MSRA: variants seen among roughly 807,000 people sequenced by gnomAD.
MSRA encodes mitochondrial peptide methionine sulfoxide reductase.
MSRA carries 54 observed loss-of-function variants against 31.3 expected under a neutral mutation model. The ratio of observed to expected loss-of-function variants is 1.73; its 90% CI spans 1.39 to 2.17. The LOEUF (loss-of-function observed/expected upper bound fraction) is 2.17, where lower values mean the gene tolerates loss of function less well. Among genes scored for constraint, MSRA ranks in the 30% most tolerant of loss-of-function variants. The probability of loss-of-function intolerance (pLI) is 0.00; values close to 1 mark genes in which losing one functional copy is unlikely to be tolerated. For missense variants in MSRA, 507 were observed against 300.9 expected, an observed-to-expected ratio of 1.69 and a Z score of -5.07; for synonymous variants, 169 against 116.5, an observed-to-expected ratio of 1.45 and a Z score of -2.90.
intron 1 of MSRA, among the ~76,000 whole-genome samples, chr8:10,154,535 G>A (rs989396048): frequency 6.6e-5 from 10 of 151,868 alleles, no homozygotes; most frequent in Non-Finnish European, 1.2e-4. Flanking sequence ...CCGCCACCAC[G>A]CCCAACTAAT....
At chr8:10,091,613 T>G (rs1279785546) in intron 1 of MSRA, among the ~76,000 whole-genome samples, 2 of 151,994 alleles carry the variant, frequency 1.3e-5, no homozygotes, top group African/African-American at 2.4e-5. Context: ...GGTAGTTTTT[T>G]TTTTTTTTTT....
intron 2 of MSRA, among the ~76,000 whole-genome samples, chr8:10,223,192 A>G (rs572824484): frequency 2.0e-5 from 3 of 152,176 alleles, no homozygotes; most frequent in African/African-American, 7.2e-5. Flanking sequence ...GGTCAATATT[A>G]CCTGCATTTT....
chr8:10,413,626 C>T (rs1585723931), intron 5 of MSRA, among the ~76,000 whole-genome samples: 2 of 122,050 alleles, frequency 1.6e-5, no homozygotes, highest in Admixed American at 1.7e-4. Flanking sequence ...AGTAATGCCT[C>T]AACAAATAAA....
intron 5 of MSRA, among the ~76,000 whole-genome samples, chr8:10,359,662 C>T (rs76708649): frequency 0.01 from 1,531 of 152,244 alleles, 24 homozygotes; most frequent in African/African-American, 0.035. Flanking sequence ...CTTTTCACTC[C>T]TTCCACTGCT....
intron 1 of MSRA, among the ~76,000 whole-genome samples, chr8:10,086,916 G>GGAGAAT (rs141044654): frequency 4.9e-4 from 74 of 151,530 alleles, no homozygotes; most frequent in Non-Finnish European, 8.0e-4. Context: ...GGGAGAGAGA[G>GGAGAAT]GAGAATGAGA....
chr8:10,162,307 G>A (rs1231462777), intron 1 of MSRA, among the ~76,000 whole-genome samples: 1 of 152,172 alleles, frequency 6.6e-6, no homozygotes, highest in Non-Finnish European at 1.5e-5. Context: ...CCTTATAAAA[G>A]GGACTCCAGA....
rs571929624 is a variant in MSRA at position 10,416,503 on chromosome 8, G to A, written c.544-11645G>A. Among the ~76,000 whole-genome samples, 63 of 152,348 alleles carry A rather than the reference G, an allele frequency of 4.1e-4. 1 individual carries two copies. Among genetic ancestry groups the A allele is most frequent in the African/African-American group, 1.5e-3 (62 of 41,580 alleles). On this transcript the variant is annotated intron_variant, in intron 5 of 5. Coordinates refer to ENST00000317173, the MANE Select transcript of MSRA (RefSeq NM_012331.5). ...GGTGTTGGAGCCATCACTGGCTGGA[G>A]CATGGCTGGTTACTGTGGCAAAGGG... is the stretch of plus-strand genomic sequence containing the variant.
intron 1 of MSRA, among the ~76,000 whole-genome samples, chr8:10,062,279 C>A (rs987828513): frequency 6.6e-6 from 1 of 152,194 alleles, no homozygotes; most frequent in Non-Finnish European, 1.5e-5. Flanking sequence ...CAGCTGACAT[C>A]GGCAACCCTC....
At chr8:10,278,269 T>C (rs1326927772) in intron 3 of MSRA, among the ~76,000 whole-genome samples, 1 of 152,164 alleles carries the variant, frequency 6.6e-6, no homozygotes, top group East Asian at 1.9e-4. Context: ...ATCTGCTGCA[T>C]AAATTCCTTT....
intron 3 of MSRA, among the ~76,000 whole-genome samples, chr8:10,299,288 G>T (rs557864094): frequency 6.6e-6 from 1 of 151,914 alleles, no homozygotes; most frequent in Non-Finnish European, 1.5e-5. Context: ...AAATATGTCT[G>T]TCATGTTGAT....
chr8:10,290,417 C>A (rs562011621), intron 3 of MSRA, among the ~76,000 whole-genome samples: 1 of 152,012 alleles, frequency 6.6e-6, no homozygotes, highest in Non-Finnish European at 1.5e-5. Context: ...CTTTCAGGTC[C>A]CTTACAATTC....
intron 1 of MSRA, among the ~76,000 whole-genome samples, chr8:10,088,165 C>T (rs1798666591): frequency 6.6e-6 from 1 of 152,182 alleles, no homozygotes; most frequent in Non-Finnish European, 1.5e-5. Flanking sequence ...TCTGTTAAGT[C>T]TGTAGAAAGA....
intron 1 of MSRA, among the ~76,000 whole-genome samples, chr8:10,201,804 T>G (rs962336840): frequency 6.6e-6 from 1 of 152,238 alleles, no homozygotes; most frequent in Non-Finnish European, 1.5e-5. Context: ...CACTGCGCTC[T>G]CAAGATGAAT....
chr8:10,291,101 C>G (rs938005294), intron 3 of MSRA, among the ~76,000 whole-genome samples: 3 of 152,178 alleles, frequency 2.0e-5, no homozygotes, highest in Admixed American at 1.3e-4. Flanking sequence ...TACTGGTTTT[C>G]TTTGTACCAG....
Position 10,132,147 on chromosome 8 carries a change from G to A in MSRA, c.143-75686G>A, listed in dbSNP as rs547210851. The stretch of plus-strand genomic sequence containing the variant: ...TTGCTAATTTTAATTTATCTGAACC[G>A]TGCTTTTCAATGAGGTGATATTGGT... On this transcript the variant is annotated intron_variant, in intron 1 of 5. Transcript: ENST00000317173. Among the ~76,000 whole-genome samples, 70 of 152,276 alleles carry A rather than the reference G, an allele frequency of 4.6e-4. 1 individual carries two copies. In the South Asian group the frequency reaches 0.014, roughly 31 times the overall value.
At chr8:10,278,408 T>G (rs1250446294) in intron 3 of MSRA, among the ~76,000 whole-genome samples, 3 of 152,216 alleles carry the variant, frequency 2.0e-5, no homozygotes, top group Non-Finnish European at 2.9e-5. Flanking sequence ...TTCTTGTTCA[T>G]GTAACAACCA....
rs573468267 is a variant in MSRA, at chr8:10,084,545, A to G, written c.142+29887A>G. 3.3e-5 allele frequency among the ~76,000 whole-genome samples: 5 copies of G among 152,392 alleles called. No individual in the cohort carries two copies. The South Asian group carries it at 6.2e-4, about 19-fold the overall frequency. ...AACTGGAGACAGACTACCTGGGTTT[A>G]GTCCCAACCCTGAAATTTATTACTC... On this transcript the variant is annotated intron_variant, in intron 1 of 5. Transcript: ENST00000317173.
chr8:10,315,570 G>A (rs569138203), intron 4 of MSRA, among the ~76,000 whole-genome samples: 2 of 152,302 alleles, frequency 1.3e-5, no homozygotes, highest in African/African-American at 2.4e-5. Flanking sequence ...AAACTACAAA[G>A]GTATAATATG....
At chr8:10,137,278 G>T (rs1802353676) in intron 1 of MSRA, among the ~76,000 whole-genome samples, 1 of 152,166 alleles carries the variant, frequency 6.6e-6, no homozygotes, top group Admixed American at 6.5e-5. Context: ...TTCTGCATTT[G>T]TGTAATCAAG....
Sources: allele counts gnomAD v4.1 joint callset (sites outside exome capture counted in the v4.1 genomes callset), GRCh38; gene constraint gnomAD v4.1.1; transcripts MANE v1.5; gene names NCBI Gene and HGNC (gene_info 2026-07-23, HGNC 2026-07-21).